DAAM1: variants seen among roughly 807,000 people sequenced by gnomAD.
The protein encoded by DAAM1 is disheveled-associated activator of morphogenesis 1.
In DAAM1, 52 loss-of-function variants were observed where a neutral mutation model predicts 130.0. The ratio of observed to expected loss-of-function variants is 0.40; its 90% CI spans 0.32 to 0.50. The LOEUF (loss-of-function observed/expected upper bound fraction) is 0.50. Among genes scored for constraint, DAAM1 ranks in the 20% least tolerant of loss-of-function variants. The pLI, the probability that DAAM1 is intolerant of heterozygous loss-of-function variation, is 0.61. For synonymous variants in DAAM1, 452 were observed against 444.5 expected (o/e 1.02, Z -0.21); for missense variants, 1,134 against 1,303.8 (o/e 0.87, Z 2.01).
intron 2 of DAAM1, among the ~76,000 whole-genome samples, chr14:59,270,118 G>A (rs1478529481): frequency 6.6e-6 from 1 of 152,212 alleles, no homozygotes; most frequent in Non-Finnish European, 1.5e-5. Context: ...TTCAGTATTT[G>A]TGAGGTGTTG....
chr14:59,313,018 C>T (rs949747845), intron 3 of DAAM1, among the ~76,000 whole-genome samples: 1 of 152,142 alleles, frequency 6.6e-6, no homozygotes, highest in Non-Finnish European at 1.5e-5. Flanking sequence ...CTATTAACCT[C>T]CTAAGAAAAA....
chr14:59,211,105 T>C (rs1178599715), intron 1 of DAAM1, among the ~76,000 whole-genome samples: 5 of 152,152 alleles, frequency 3.3e-5, no homozygotes, highest in Non-Finnish European at 7.3e-5. Flanking sequence ...TTAAATGCTT[T>C]AGGTTTGGTA....
At chr14:59,308,405 T>A (rs1005241061) in intron 3 of DAAM1, among the ~76,000 whole-genome samples, 1 of 152,204 alleles carries the variant, frequency 6.6e-6, no homozygotes, top group African/African-American at 2.4e-5. Context: ...GCTGGGTCAT[T>A]GTTCATAGGA....
At chr14:59,247,390 C>A (rs1881435891) in intron 1 of DAAM1, among the ~76,000 whole-genome samples, 1 of 152,136 alleles carries the variant, frequency 6.6e-6, no homozygotes, top group South Asian at 2.1e-4. Context: ...ATTCCATATG[C>A]CTTCCTGGAT....
intron 1 of DAAM1, among the ~76,000 whole-genome samples, chr14:59,198,406 A>G (rs531853983): frequency 6.6e-6 from 1 of 152,052 alleles, no homozygotes; most frequent in Non-Finnish European, 1.5e-5. Context: ...GGGTTTCAAC[A>G]TATTGGTCAG....
At chr14:59,259,665 AAC>A in intron 1 of DAAM1, among the ~76,000 whole-genome samples, 1 of 152,148 alleles carries the variant, frequency 6.6e-6, no homozygotes, top group Non-Finnish European at 1.5e-5. Context: ...GACAAATATT[AAC>A]AGTTATATTT....
At chr14:59,242,543 C>T (rs1268697240) in intron 1 of DAAM1, among the ~76,000 whole-genome samples, 2 of 152,122 alleles carry the variant, frequency 1.3e-5, no homozygotes, top group African/African-American at 2.4e-5. Context: ...TGAACAAAAA[C>T]GCTGTGTGCT....
chr14:59,252,518 A>G (rs567204065), intron 1 of DAAM1, among the ~76,000 whole-genome samples: 4 of 152,296 alleles, frequency 2.6e-5, no homozygotes, highest in African/African-American at 9.6e-5. Flanking sequence ...AATTTCCCAC[A>G]ATTTGCAGAT....
At chr14:59,345,066 T>G (rs1594838511) in intron 16 of DAAM1, among the ~76,000 whole-genome samples, 1 of 152,138 alleles carries the variant, frequency 6.6e-6, no homozygotes, top group South Asian at 2.1e-4. Flanking sequence ...TCCTTGGCCT[T>G]GCATGGCCAC....
intron 1 of DAAM1, among the ~76,000 whole-genome samples, chr14:59,248,046 C>G (rs968725150): frequency 1.3e-4 from 20 of 152,108 alleles, no homozygotes; most frequent in African/African-American, 3.9e-4. Context: ...AATCTGAAGT[C>G]TAAATATTAA....
At position 59,369,717 on chromosome 14, in the gene DAAM1, C is replaced by A; in HGVS notation, c.*858C>A. 2 of 107,228 alleles carry A rather than the reference C, an allele frequency of 1.9e-5. No homozygotes were observed. Among genetic ancestry groups the A allele is most frequent in the South Asian group, 2.8e-4 (1 of 3,574 alleles). The allele number at this position is 107,228 out of a possible 1,614,324, so 6.6% of individuals were successfully genotyped here. ...AAATAATAAAATATCTCACCCAAGA[C>A]TTAAAGGAAGAATTCTCTGAAGGGA... On this transcript the variant is annotated 3_prime_UTR_variant, in exon 25 of 25. Transcript: ENST00000360909.
At chr14:59,347,696 C>G (rs1886136635) in intron 17 of DAAM1, 73 bp downstream of exon 17, 4 of 1,426,012 alleles carry the variant, frequency 2.8e-6, no homozygotes, top group East Asian at 4.8e-5. Flanking sequence ...TTGAGAACAT[C>G]CGGTTGTTGC....
At chr14:59,196,416 C>T (rs1233394873) in intron 1 of DAAM1, among the ~76,000 whole-genome samples, 2 of 152,142 alleles carry the variant, frequency 1.3e-5, no homozygotes, top group African/African-American at 2.4e-5. Flanking sequence ...GACCAGGGAC[C>T]CTTCTAAATC....
At chr14:59,358,281 T>C (rs1243287388) in intron 20 of DAAM1, among the ~76,000 whole-genome samples, 2 of 152,214 alleles carry the variant, frequency 1.3e-5, no homozygotes, top group Non-Finnish European at 2.9e-5. Flanking sequence ...CAGTGTTGCC[T>C]AATAGATACT....
chr14:59,227,487 A>G (rs2063572404), intron 1 of DAAM1, among the ~76,000 whole-genome samples: 1 of 152,248 alleles, frequency 6.6e-6, no homozygotes, highest in South Asian at 2.1e-4. Flanking sequence ...TACTAGAAGT[A>G]TGATTTGCAA....
intron 1 of DAAM1, among the ~76,000 whole-genome samples, chr14:59,239,376 T>G (rs531475850): frequency 6.6e-6 from 1 of 152,260 alleles, no homozygotes; most frequent in Admixed American, 6.5e-5. Context: ...AAACACAGTC[T>G]CCTTATTGTC....
intron 1 of DAAM1, among the ~76,000 whole-genome samples, chr14:59,212,349 C>T (rs1888451079): frequency 6.6e-6 from 1 of 152,118 alleles, no homozygotes; most frequent in Non-Finnish European, 1.5e-5. Context: ...CTTATACTAT[C>T]AGTTGTCACA....
intron 1 of DAAM1, among the ~76,000 whole-genome samples, chr14:59,211,032 C>T (rs189883937): frequency 3.3e-5 from 5 of 152,280 alleles, no homozygotes; most frequent in East Asian, 1.9e-4. Flanking sequence ...GCTGTACTTA[C>T]GGTCCAATTG....
intron 12 of DAAM1, among the ~76,000 whole-genome samples, chr14:59,328,660 TG>T (rs1420482236): frequency 6.6e-6 from 1 of 152,146 alleles, no homozygotes; most frequent in African/African-American, 2.4e-5. Context: ...ACTCACAGCG[TG>T]GTTGTGAAGA....
Sources: allele counts gnomAD v4.1 joint callset (sites outside exome capture counted in the v4.1 genomes callset), GRCh38; gene constraint gnomAD v4.1.1; transcripts MANE v1.5; gene names NCBI Gene and HGNC (gene_info 2026-07-23, HGNC 2026-07-21).